The following IHO1 variants were observed in gnomAD, a reference collection of about 807,000 sequenced individuals.
The protein encoded by IHO1 is interactor of HORMAD1 1.
In IHO1, 13 loss-of-function variants were observed where a neutral mutation model predicts 31.0. The ratio of observed to expected loss-of-function variants is 0.42; its 90% confidence interval spans 0.27 to 0.67. The LOEUF (loss-of-function observed/expected upper bound fraction) is 0.67. Ranked by LOEUF, IHO1 falls within the 30% of genes least tolerant of loss-of-function variation. The pLI, the probability that IHO1 is intolerant of heterozygous loss-of-function variation, is 0.24. For missense variants in IHO1, 599 were observed against 687.5 expected (o/e 0.87, Z 1.44); for synonymous variants, 221 against 248.4 (o/e 0.89, Z 1.04).
chr3:49,246,466 G>A (rs772055155), intron 6 of IHO1, among the ~76,000 whole-genome samples: 15 of 151,970 alleles, frequency 9.9e-5, no homozygotes, highest in Non-Finnish European at 2.2e-4. Flanking sequence ...CCAAAATGAC[G>A]AAAGCCCGTC....
intron 1 of IHO1, among the ~76,000 whole-genome samples, chr3:49,202,851 A>ATT (rs71077774): frequency 0.019 from 1,740 of 90,060 alleles, 51 homozygotes; most frequent in African/African-American, 0.038. Flanking sequence ...AATTTTTTGT[A>ATT]TTTTTTTTTT....
intron 1 of IHO1, among the ~76,000 whole-genome samples, chr3:49,204,553 A>G (rs2046110033): frequency 6.6e-6 from 1 of 152,150 alleles, no homozygotes; most frequent in Non-Finnish European, 1.5e-5. Flanking sequence ...CTGTAATCTG[A>G]AAGGGGCTTT....
At chr3:49,193,118 C>T in the IHO1 span, among the ~76,000 whole-genome samples, 3 of 152,134 alleles carry the variant, frequency 2.0e-5, no homozygotes, top group African/African-American at 4.8e-5. Flanking sequence ...CGTCTGTAAT[C>T]CCAGCACTTT....
At chr3:49,235,174 T>C (rs1341479651) in intron 2 of IHO1, among the ~76,000 whole-genome samples, 1 of 151,692 alleles carries the variant, frequency 6.6e-6, no homozygotes, top group Non-Finnish European at 1.5e-5. Flanking sequence ...TACCTTTTCT[T>C]GTACTCAAAA....
At chr3:49,251,089 T>C (rs2046754283) in intron 6 of IHO1, among the ~76,000 whole-genome samples, 1 of 151,904 alleles carries the variant, frequency 6.6e-6, no homozygotes, top group African/African-American at 2.4e-5. Flanking sequence ...CATTTTCACG[T>C]CTCAATATAT....
At chr3:49,208,762 A>C (rs952327854) in intron 1 of IHO1, among the ~76,000 whole-genome samples, 1 of 152,088 alleles carries the variant, frequency 6.6e-6, no homozygotes, top group African/African-American at 2.4e-5. Flanking sequence ...TTCCCCACTT[A>C]TGCTGTCCAG....
At chr3:49,222,810 C>A (rs1268985639) in intron 2 of IHO1, among the ~76,000 whole-genome samples, 1 of 152,262 alleles carries the variant, frequency 6.6e-6, no homozygotes, top group Non-Finnish European at 1.5e-5. Flanking sequence ...TCTGGGTGAT[C>A]TTGGGACTCC....
At chr3:49,205,339 T>A (rs2107680438) in intron 1 of IHO1, among the ~76,000 whole-genome samples, 1 of 152,166 alleles carries the variant, frequency 6.6e-6, no homozygotes, top group South Asian at 2.1e-4. Context: ...CACTTTTTTT[T>A]TTTTTTTGAG....
intron 2 of IHO1, among the ~76,000 whole-genome samples, chr3:49,219,739 A>G (rs547731239): frequency 6.6e-6 from 1 of 152,286 alleles, no homozygotes; most frequent in East Asian, 1.9e-4. Flanking sequence ...AGGACACCTG[A>G]GTACTCTTAA....
chr3:49,242,532 A>C (rs2046643556), intron 4 of IHO1, among the ~76,000 whole-genome samples: 1 of 152,184 alleles, frequency 6.6e-6, no homozygotes, highest in Admixed American at 6.5e-5. Context: ...TTTCTAAGAG[A>C]AATGTAATAT....
At chr3:49,233,649 T>C (rs1490353910) in intron 2 of IHO1, among the ~76,000 whole-genome samples, 2 of 152,230 alleles carry the variant, frequency 1.3e-5, no homozygotes, top group Non-Finnish European at 2.9e-5. Context: ...ATGACAAAGC[T>C]ACCTTTGCTT....
At chr3:49,227,011 C>A (rs886177723) in intron 2 of IHO1, among the ~76,000 whole-genome samples, 3 of 152,160 alleles carry the variant, frequency 2.0e-5, no homozygotes, top group Middle Eastern at 3.4e-3. Context: ...GGAGGCTTCT[C>A]ATTAATAGGA....
rs536895583 is a variant in IHO1, at chr3:49,219,867, A to G, written c.56+8031A>G. On this transcript the variant is annotated intron_variant, in intron 2 of 7. Transcript: ENST00000452691. ...TTCATACTAATGATGAGGAGGAAGGAAAGTATAACAAAGTAATAGAAGAGG... is the reference window on the plus strand; with the variant it reads ...TTCATACTAATGATGAGGAGGAAGGGAAGTATAACAAAGTAATAGAAGAGG... 2.6e-5 allele frequency among the ~76,000 whole-genome samples: 4 copies of G among 152,350 alleles called. No individual in the cohort carries two copies. In the East Asian group the frequency reaches 7.7e-4, roughly 29 times the overall value.
rs1056319873 is a variant in IHO1 at position 49,244,384 on chromosome 3, T to C, written c.396-20T>C. The stretch of plus-strand genomic sequence containing the variant: ...CAATATTTCATAAAGATTTGTTTTC[T>C]TTTTTCCCTCCTATTCTAGTGAGAC... On this transcript the variant is annotated intron_variant, in intron 4 of 7. Transcript: ENST00000452691. 2 of 1,449,996 alleles carry C rather than the reference T, an allele frequency of 1.4e-6. No individual in the cohort carries two copies. The highest frequency in any genetic ancestry group is 1.9e-6 in the Non-Finnish European group (2 of 1,038,980). The allele number at this position is 1,449,996 out of a possible 1,614,324, so 89.8% of individuals were successfully genotyped here.
At chr3:49,254,579 G>A (rs935750147) in intron 6 of IHO1, among the ~76,000 whole-genome samples, 11 of 151,982 alleles carry the variant, frequency 7.2e-5, no homozygotes, top group East Asian at 1.9e-4. Context: ...TGCGGGGGGC[G>A]GGGGGAATGA....
chr3:49,209,285 AC>A (rs1323017938), intron 1 of IHO1, among the ~76,000 whole-genome samples: 2 of 151,990 alleles, frequency 1.3e-5, no homozygotes, highest in Admixed American at 6.6e-5. Context: ...CCTTAGACTC[AC>A]CCCTTTGATG....
intron 4 of IHO1, among the ~76,000 whole-genome samples, chr3:49,243,060 A>G (rs915028690): frequency 1.3e-5 from 2 of 151,474 alleles, no homozygotes; most frequent in Admixed American, 6.6e-5. Flanking sequence ...TCCACCCTTC[A>G]CCTCAACTAG....
chr3:49,243,532 G>A (rs1488640920), intron 4 of IHO1, among the ~76,000 whole-genome samples: 1 of 151,862 alleles, frequency 6.6e-6, no homozygotes, highest in East Asian at 2.0e-4. Context: ...ACCGAGGCAG[G>A]CGGATCACGA....
chr3:49,225,025 C>T (rs919295561), intron 2 of IHO1, among the ~76,000 whole-genome samples: 2 of 152,318 alleles, frequency 1.3e-5, no homozygotes, highest in South Asian at 2.1e-4. Context: ...ACTAAGACGG[C>T]CACTGCCGCA....
Sources: gnomAD v4.1 joint callset for allele counts (sites outside exome capture counted in the v4.1 genomes callset) on GRCh38, gnomAD v4.1.1 for gene constraint, MANE v1.5 for transcripts, NCBI Gene and HGNC (gene_info 2026-07-23, HGNC 2026-07-21) for gene names.